Variants in TRPM3 observed in about 807,000 individuals in gnomAD.
TRPM3 encodes the protein transient receptor potential cation channel subfamily M member 3, also known as long transient receptor potential channel 3.
TRPM3 carries 77 observed loss-of-function variants against 181.2 expected under a neutral mutation model. The observed-to-expected ratio is 0.42, with a 90% CI of 0.35 to 0.51. The LOEUF is 0.51. Among genes scored for constraint, TRPM3 ranks in the 20% least tolerant of loss-of-function variants. The probability of loss-of-function intolerance (pLI) is 0.01; values close to 1 mark genes in which losing one functional copy is unlikely to be tolerated. For synonymous variants in TRPM3, 745 were observed against 796.4 expected, an observed-to-expected ratio of 0.94 and a Z score of 1.09; for missense variants, 1,759 against 2,196.7, an observed-to-expected ratio of 0.80 and a Z score of 3.98.
At chr9:71,343,689 ACAT>A (rs557317766) in intron 1 of TRPM3, among the ~76,000 whole-genome samples, 143 of 152,276 alleles carry the variant, frequency 9.4e-4, no homozygotes, top group Non-Finnish European at 1.9e-3. Context: ...CCAAGTAATA[ACAT>A]CTCAGGAGCA....
At chr9:71,440,368 T>TTTC (rs1349055650) in intron 1 of TRPM3, among the ~76,000 whole-genome samples, 2 of 152,214 alleles carry the variant, frequency 1.3e-5, no homozygotes, top group African/African-American at 4.8e-5. Context: ...ATTGTTGTTA[T>TTTC]TTCTTTTTCT....
chr9:70,842,180 A>T (rs967671951), intron 5 of TRPM3, among the ~76,000 whole-genome samples: 1 of 151,854 alleles, frequency 6.6e-6, no homozygotes, highest in African/African-American at 2.4e-5. Flanking sequence ...ACTCAAATGC[A>T]TCACAGTCTG....
intron 1 of TRPM3, among the ~76,000 whole-genome samples, chr9:71,159,105 T>G (rs939638425): frequency 2.1e-5 from 3 of 144,180 alleles, no homozygotes; most frequent in Admixed American, 7.1e-5. Flanking sequence ...TATATATATT[T>G]AGAGAGAGAG....
At chr9:71,138,506 T>C (rs1034358314) in intron 1 of TRPM3, among the ~76,000 whole-genome samples, 3 of 152,212 alleles carry the variant, frequency 2.0e-5, no homozygotes, top group Non-Finnish European at 4.4e-5. Context: ...GAGTTTCTAA[T>C]AGGAAATCAA....
rs368961285 is a variant in TRPM3, at chr9:71,082,939, G to A, written c.177+38239C>T. On this transcript the variant is annotated intron_variant, in intron 1 of 25. Transcript: ENST00000677713. ...GAACAGAACAGATAACATCTTAGAAGACAATTTGAAAAAGTCTTTACATAG... is the reference window on the plus strand; with the variant it reads ...GAACAGAACAGATAACATCTTAGAAAACAATTTGAAAAAGTCTTTACATAG... 3.9e-5 allele frequency among the ~76,000 whole-genome samples: 6 copies of A among 152,072 alleles called. No individual in the cohort carries two copies. In the East Asian group the frequency reaches 1.2e-3, roughly 29 times the overall value.
intron 1 of TRPM3, among the ~76,000 whole-genome samples, chr9:70,971,155 T>TAA (rs1213111999): frequency 6.6e-6 from 1 of 152,138 alleles, no homozygotes; most frequent in Non-Finnish European, 1.5e-5. Flanking sequence ...CACTGAATTA[T>TAA]AAAATGCCGA....
chr9:71,037,105 G>A (rs1698354787), intron 1 of TRPM3, among the ~76,000 whole-genome samples: 1 of 152,160 alleles, frequency 6.6e-6, no homozygotes, highest in Admixed American at 6.5e-5. Flanking sequence ...TATGAAGTGT[G>A]TGTACTATGT....
intron 1 of TRPM3, 27 bp downstream of exon 1, chr9:71,121,151 G>T (rs1247828907): frequency 8.1e-6 from 13 of 1,601,686 alleles, no homozygotes; most frequent in South Asian, 1.1e-5. Flanking sequence ...CACAATTAGC[G>T]CCATTCAAAG....
chr9:71,079,741 GCT>G (rs1163567725), intron 1 of TRPM3, among the ~76,000 whole-genome samples: 1 of 152,178 alleles, frequency 6.6e-6, no homozygotes, highest in Non-Finnish European at 1.5e-5. Flanking sequence ...CAGGGGATGT[GCT>G]CACCAAGTGG....
chr9:71,335,017 T>C (rs1363534362), intron 1 of TRPM3, among the ~76,000 whole-genome samples: 1 of 152,110 alleles, frequency 6.6e-6, no homozygotes, highest in African/African-American at 2.4e-5. Context: ...CATTACAAAA[T>C]GTCATCACCA....
intron 1 of TRPM3, among the ~76,000 whole-genome samples, chr9:70,953,055 G>A (rs954594807): frequency 1.3e-5 from 2 of 151,670 alleles, no homozygotes; most frequent in African/African-American, 2.4e-5. Context: ...AAAGCTGGAC[G>A]GTCATCTACA....
intron 6 of TRPM3, among the ~76,000 whole-genome samples, chr9:70,803,033 T>TAGAAAAA (rs2089612905): frequency 2.3e-5 from 1 of 42,890 alleles, no homozygotes; most frequent in Non-Finnish European, 4.3e-5. Flanking sequence ...AGAAATTTTG[T>TAGAAAAA]AAAAAAAAAA....
At chr9:70,961,772 G>A (rs1376213510) in intron 1 of TRPM3, among the ~76,000 whole-genome samples, 1 of 152,056 alleles carries the variant, frequency 6.6e-6, no homozygotes, top group African/African-American at 2.4e-5. Flanking sequence ...ATGATATCAT[G>A]CACAAAGAAA....
intron 9 of TRPM3, among the ~76,000 whole-genome samples, chr9:70,669,552 G>A (rs2062510582): frequency 2.0e-5 from 3 of 152,276 alleles, no homozygotes; most frequent in African/African-American, 7.2e-5. Context: ...CCTGTGAAAT[G>A]CCATTGGAAC....
chr9:70,598,766 C>A, intron 20 of TRPM3, 96 bp from the exon 21 acceptor site: 1 of 1,434,018 alleles, frequency 7.0e-7, no homozygotes, highest in South Asian at 1.3e-5. Flanking sequence ...ATGTTAGTAG[C>A]TTGCTTTGTC....
chr9:71,344,239 C>T (rs923736422), intron 1 of TRPM3, among the ~76,000 whole-genome samples: 11 of 152,094 alleles, frequency 7.2e-5, no homozygotes, highest in Admixed American at 7.2e-4. Flanking sequence ...TACCTGAGGT[C>T]AAGAGTTCGA....
intron 6 of TRPM3, among the ~76,000 whole-genome samples, chr9:70,787,756 T>G (rs867446034): frequency 2.1e-5 from 3 of 142,880 alleles, no homozygotes; most frequent in Non-Finnish European, 4.5e-5. Flanking sequence ...CAGGGACTTT[T>G]TGGATTCTTT....
At chr9:71,408,055 A>T (rs1328775946) in intron 1 of TRPM3, among the ~76,000 whole-genome samples, 1 of 152,242 alleles carries the variant, frequency 6.6e-6, no homozygotes, top group African/African-American at 2.4e-5. Flanking sequence ...AATAGCATCA[A>T]CAACAACAAA....
intron 1 of TRPM3, among the ~76,000 whole-genome samples, chr9:71,156,458 A>G (rs1257176049): frequency 2.0e-5 from 3 of 151,228 alleles, no homozygotes; most frequent in African/African-American, 7.3e-5. Context: ...ATAACTGATC[A>G]GCAAATTCCA....
Sources: gnomAD v4.1 joint callset for allele counts (sites outside exome capture counted in the v4.1 genomes callset) on GRCh38, gnomAD v4.1.1 for gene constraint, MANE v1.5 for transcripts, NCBI Gene and HGNC (gene_info 2026-07-23, HGNC 2026-07-21) for gene names.